MYLK2: variants seen among roughly 807,000 people sequenced by gnomAD.
The protein encoded by MYLK2 is myosin light chain kinase 2, also known as myosin light chain kinase 2, skeletal/cardiac muscle.
A neutral mutation model predicts 58.2 loss-of-function variants in MYLK2; 27 were observed. That is an observed-to-expected ratio of 0.46 (90% CI 0.34 to 0.64). The LOEUF (loss-of-function observed/expected upper bound fraction) is 0.64, where lower values mean the gene tolerates loss of function less well. Ranked by LOEUF, MYLK2 falls within the 30% of genes least tolerant of loss-of-function variation. MYLK2 has a pLI of 0.01. For missense variants in MYLK2, 676 were observed against 764.3 expected, an observed-to-expected ratio of 0.88 and a Z score of 1.36; for synonymous variants, 310 against 296.7, an observed-to-expected ratio of 1.04 and a Z score of -0.46.
Position 31,821,658 on chromosome 20 carries a change from G to A in MYLK2, c.693G>A (p.Gln231=). ...QGDTSRGIEF[Q]AVPSEKSEVG... is the part of the protein sequence containing the mutation. Reference sequence around the variant, plus strand: ...ACACCTCGAGGGGGATTGAGTTCCAGGCTGTTCCCTCAGAGAAATCCGAGG... The same window carrying A: ...ACACCTCGAGGGGGATTGAGTTCCAAGCTGTTCCCTCAGAGAAATCCGAGG... Residue 231 remains glutamine, a synonymous_variant, in exon 4 of 13, where the codon CAG becomes CAA. Coordinates refer to ENST00000375985, the MANE Select transcript of MYLK2 (RefSeq NM_033118.4). 1 of 1,614,006 alleles carries A rather than the reference G, an allele frequency of 6.2e-7. No homozygotes were observed. The highest frequency in any genetic ancestry group is 1.1e-5 in the South Asian group (1 of 91,076).
At chr20:31,833,328 A>G (rs2076612248) in intron 12 of MYLK2, among the ~76,000 whole-genome samples, 1 of 152,102 alleles carries the variant, frequency 6.6e-6, no homozygotes, top group South Asian at 2.1e-4. Flanking sequence ...GTGTGGTTGG[A>G]GAGTTTGAGG....
chr20:31,827,475 A>T, intron 8 of MYLK2: 3 of 985,434 alleles, frequency 3.0e-6, no homozygotes, highest in Non-Finnish European at 3.6e-6. Context: ...GGCAATGTGC[A>T]TGAGGTAGGC....
At chr20:31,830,510 A>G (rs992973220) in intron 8 of MYLK2, among the ~76,000 whole-genome samples, 3 of 152,162 alleles carry the variant, frequency 2.0e-5, no homozygotes, top group African/African-American at 7.2e-5. Context: ...TCCTCTCCAC[A>G]GGCTTCTGTT....
rs1249518875 is a variant in MYLK2, at chr20:31,823,863, AC to A, written c.878+286del. The A allele has an allele frequency of 1.1e-5, 9 of 818,018 alleles. No individual in the cohort carries two copies. The African/African-American group carries it at 1.5e-4, about 14-fold the overall frequency. 50.7% of individuals were successfully genotyped at this position (818,018 alleles called of 1,614,324 possible). A position where few individuals can be genotyped will look rare whatever the true frequency, so the allele number is the denominator to read the frequency against. ...TGTCTCAGCTCCAGGCACCACACTG[AC>A]CCCCTCATGGTGATTCCTGCTTTGT... On this transcript the variant is annotated intron_variant, in intron 5 of 12. Coordinates refer to ENST00000375985, the MANE Select transcript of MYLK2 (RefSeq NM_033118.4).
intron 12 of MYLK2, among the ~76,000 whole-genome samples, chr20:31,833,313 C>G (rs990674196): frequency 6.6e-6 from 1 of 151,976 alleles, no homozygotes; most frequent in African/African-American, 2.4e-5. Flanking sequence ...GGCCCTGAGG[C>G]AGAGGTGTGG....
chr20:31,832,142 G>T lies in MYLK2; in HGVS notation c.1710+6G>T, dbSNP rs367566782. 3 of 1,607,708 alleles carry T rather than the reference G, an allele frequency of 1.9e-6. No individual in the cohort carries two copies. In the South Asian group the frequency reaches 3.4e-5, roughly 18 times the overall value. On this transcript the variant is annotated splice_donor_region_variant and intron_variant, in intron 12 of 12. Coordinates refer to ENST00000375985, the MANE Select transcript of MYLK2 (RefSeq NM_033118.4). ...TCATGAAGAGGCGCTGGAAGGTACC[G>T]CTGGATTCAGGGTGGGGAGGGAGGG...
chr20:31,821,763 G>A, intron 4 of MYLK2, 26 bp downstream of exon 4: 1 of 1,563,542 alleles, frequency 6.4e-7, no homozygotes, highest in Non-Finnish European at 8.7e-7. Flanking sequence ...GTGGGGGCTG[G>A]GGCTGCCCTG....
rs766074380 is a variant in MYLK2, at chr20:31,820,366, C to T, written c.293C>T (p.Pro98Leu). ...AGTGCTGGGCCCCCGGCAGCCCTGCCCCAGCAGACTGCGACACCTGAGACC... is the reference window on the plus strand; with the variant it reads ...AGTGCTGGGCCCCCGGCAGCCCTGCTCCAGCAGACTGCGACACCTGAGACC... ...EGSAGPPAALPQQTATPETSV... is the reference protein window; with the variant it reads ...EGSAGPPAALLQQTATPETSV... The change falls in exon 3 of 13, where the codon CCC becomes CTC. Residue 98 changes from proline to leucine, a missense_variant. By Grantham distance (98) the Pro-to-Leu change is moderately conservative. Coordinates refer to ENST00000375985, the MANE Select transcript of MYLK2 (RefSeq NM_033118.4). 1.7e-5 allele frequency: 28 copies of T among 1,612,598 alleles called. No homozygotes were observed. Among genetic ancestry groups the T allele is most frequent in the Middle Eastern group, 1.6e-4 (1 of 6,082 alleles).
chr20:31,826,832 A>T lies in MYLK2; in HGVS notation c.1118A>T (p.Asp373Val), dbSNP rs1172359830. 2 of 1,614,124 alleles carry T rather than the reference A, an allele frequency of 1.2e-6. No individual in the cohort carries two copies. Among genetic ancestry groups the T allele is most frequent in the Non-Finnish European group, 1.7e-6 (2 of 1,180,014 alleles). ...EGGELFERIV[D>V]EDYHLTEVDT... is the part of the protein sequence containing the mutation. ...GGAGAGCTCTTCGAGAGGATTGTGG[A>T]TGAGGACTACCATCTGACCGAGGTG... Residue 373 changes from aspartate to valine, a missense_variant, in exon 8 of 13, where the codon GAT becomes GTT. Transcript: ENST00000375985.
At chr20:31,831,672 C>T (rs745619700) in intron 10 of MYLK2, 31 bp from the exon 11 acceptor site, 3 of 1,613,114 alleles carry the variant, frequency 1.9e-6, no homozygotes, top group Non-Finnish European at 2.5e-6. Flanking sequence ...CCAATCTCAC[C>T]TCCCTGCCCC....
Position 31,824,393 on chromosome 20 carries a change from G to A in MYLK2, c.972+41G>A, listed in dbSNP as rs936152258. On this transcript the variant is annotated intron_variant, in intron 6 of 12. Coordinates refer to ENST00000375985, the MANE Select transcript of MYLK2 (RefSeq NM_033118.4). ...GGGTGGTGGCTGCCCAGGATGGGGA[G>A]GGGATCCTTGGAGTGGGCACCTCTC... 7.0e-6 allele frequency: 11 copies of A among 1,581,806 alleles called. No individual in the cohort carries two copies. In the African/African-American group the frequency reaches 1.5e-4, roughly 21 times the overall value.
chr20:31,819,986 G>A lies in MYLK2; in HGVS notation c.53-140G>A, dbSNP rs189059734. The A allele has an allele frequency of 3.4e-4, 371 of 1,105,138 alleles. No individual in the cohort carries two copies. The African/African-American group carries it at 4.9e-3, about 15-fold the overall frequency. 68.5% of individuals were successfully genotyped at this position (1,105,138 alleles called of 1,614,324 possible). Reference sequence around the variant, plus strand: ...GCTCATCTCTAGGGGCCATCAAGTGGCCCCAGAGACTCAGTGGGACAAGCA... The same window carrying A: ...GCTCATCTCTAGGGGCCATCAAGTGACCCCAGAGACTCAGTGGGACAAGCA... On this transcript the variant is annotated intron_variant, in intron 2 of 12. Coordinates refer to ENST00000375985, the MANE Select transcript of MYLK2 (RefSeq NM_033118.4).
chr20:31,821,892 T>C (rs973005751), intron 4 of MYLK2, among the ~76,000 whole-genome samples, 155 bp downstream of exon 4: 3 of 152,116 alleles, frequency 2.0e-5, no homozygotes, highest in Non-Finnish European at 4.4e-5. Context: ...CTCCAGAAAG[T>C]ATTCCTTTTT....
chr20:31,820,361 C>T lies in MYLK2; in HGVS notation c.288C>T (p.Ala96=), dbSNP rs371130292. Residue 96 remains alanine, a synonymous_variant, in exon 3 of 13, where the codon GCC becomes GCT. Coordinates refer to ENST00000375985, the MANE Select transcript of MYLK2 (RefSeq NM_033118.4). ...PAEGSAGPPA[A]LPQQTATPET... ...AGGGCAGTGCTGGGCCCCCGGCAGC[C>T]CTGCCCCAGCAGACTGCGACACCTG... is the stretch of plus-strand genomic sequence containing the variant. The T allele has an allele frequency of 1.3e-5, 21 of 1,612,584 alleles. No homozygotes were observed. In the African/African-American group the frequency reaches 2.4e-4, roughly 18 times the overall value.
intron 4 of MYLK2, among the ~76,000 whole-genome samples, chr20:31,822,136 A>G (rs1156553333): frequency 1.3e-5 from 2 of 152,208 alleles, no homozygotes; most frequent in Non-Finnish European, 2.9e-5. Flanking sequence ...GAAGGCTCAG[A>G]AAAAGGAAAA....
rs1031638117 is a variant in MYLK2 at position 31,831,710 on chromosome 20, G to A, written c.1432G>A (p.Gly478Ser). The A allele has an allele frequency of 4.3e-6, 7 of 1,613,896 alleles. No homozygotes were observed. Among genetic ancestry groups the A allele is most frequent in the South Asian group, 2.2e-5 (2 of 91,070 alleles). Residue 478 changes from glycine to serine, a missense_variant, in exon 11 of 13, where the codon GGC becomes AGC. Physicochemically the swap from Gly to Ser is moderately conservative, Grantham distance 56. This residue lies in a region of MYLK2 where 370 missense variants were observed against 467.8 expected (regional missense o/e 0.79). Coordinates refer to ENST00000375985, the MANE Select transcript of MYLK2 (RefSeq NM_033118.4). ...GCTATCCCCTCCCTCTAGGCTGAGCGGCCTCTCCCCCTTCCTGGGAGATGA... is the reference window on the plus strand; with the variant it reads ...GCTATCCCCTCCCTCTAGGCTGAGCAGCCTCTCCCCCTTCCTGGGAGATGA... ...MGVITYMLLS[G>S]LSPFLGDDDT...
rs369886665 is a variant in MYLK2, at chr20:31,831,692, C to G, written c.1425-11C>G. On this transcript the variant is annotated splice_polypyrimidine_tract_variant and intron_variant, in intron 10 of 12. Coordinates refer to ENST00000375985, the MANE Select transcript of MYLK2 (RefSeq NM_033118.4). ...CTCACCTCCCTGCCCCCTGCTATCC[C>G]CTCCCTCTAGGCTGAGCGGCCTCTC... is the stretch of plus-strand genomic sequence containing the variant. 6.2e-7 allele frequency: 1 copy of G among 1,613,882 alleles called. No individual in the cohort carries two copies. Among genetic ancestry groups the G allele is most frequent in the African/African-American group, 1.3e-5 (1 of 74,882 alleles).
At chr20:31,824,605 C>T (rs1202846521) in intron 6 of MYLK2, 1 of 970,840 alleles carries the variant, frequency 1.0e-6, no homozygotes, top group Non-Finnish European at 1.2e-6. Context: ...GATATTCATG[C>T]CCTCTGGTTC....
chr20:31,820,074 A>G, intron 2 of MYLK2, 52 bp from the exon 3 acceptor site: 1 of 1,608,858 alleles, frequency 6.2e-7, no homozygotes, highest in African/African-American at 1.3e-5. Context: ...AGCCTGGGTG[A>G]GAGGGAAGGA....
Sources: gnomAD v4.1 joint callset for allele counts (sites outside exome capture counted in the v4.1 genomes callset) on GRCh38, gnomAD v4.1.1 for gene constraint, gnomAD v4.1.1 regional missense constraint, MANE v1.5 for transcripts, NCBI Gene and HGNC (gene_info 2026-07-23, HGNC 2026-07-21) for gene names.